Variants in DYNC1I1 observed in about 807,000 individuals in gnomAD.
DYNC1I1 encodes the protein cytoplasmic dynein 1 intermediate chain 1.
Under a neutral mutation model 86.6 loss-of-function variants are expected in DYNC1I1, and 43 were observed. The observed-to-expected ratio is 0.50, with a 90% CI of 0.39 to 0.64. The LOEUF is 0.64. DYNC1I1 is among the 30% of genes least tolerant of loss of function. The pLI is 0.00. For synonymous variants in DYNC1I1, 262 were observed against 283.7 expected (o/e 0.92, Z 0.77); for missense variants, 604 against 788.8 (o/e 0.77, Z 2.81).
At chr7:95,873,624 A>G (rs1584114952) in intron 6 of DYNC1I1, among the ~76,000 whole-genome samples, 1 of 152,242 alleles carries the variant, frequency 6.6e-6, no homozygotes, top group African/African-American at 2.4e-5. Context: ...TCTTAAAGAT[A>G]CCAGCTACAG....
intron 10 of DYNC1I1, among the ~76,000 whole-genome samples, chr7:95,996,592 G>A (rs555863168): frequency 1.3e-5 from 2 of 152,254 alleles, no homozygotes; most frequent in African/African-American, 4.8e-5. Flanking sequence ...GCTGTTTCTG[G>A]TTTGAAAATG....
At position 96,097,979 on chromosome 7, in the gene DYNC1I1, T is replaced by C. The variant is rs1410789226; in HGVS notation, c.*386T>C. On this transcript the variant is annotated 3_prime_UTR_variant, in exon 17 of 17. Transcript: ENST00000447467. ...CAGATATGATTGGGTGCAGATGTGG[T>C]GTTCCTCATATTATGGTACAGGGCC... 1.0e-6 allele frequency: 1 copy of C among 1,003,278 alleles called. No homozygotes were observed. The highest frequency in any genetic ancestry group is 1.2e-6 in the Non-Finnish European group (1 of 840,288). 62.1% of individuals were successfully genotyped at this position (1,003,278 alleles called of 1,614,324 possible). A position where few individuals can be genotyped will look rare whatever the true frequency, so the allele number is the denominator to read the frequency against.
At chr7:96,028,431 A>T in intron 11 of DYNC1I1, 110 bp downstream of exon 11, 1 of 1,387,868 alleles carries the variant, frequency 7.2e-7, no homozygotes, top group Admixed American at 2.5e-5. Flanking sequence ...AGGAGGATCT[A>T]CTTTATTATG....
At chr7:95,921,625 C>T (rs1791612453) in intron 6 of DYNC1I1, among the ~76,000 whole-genome samples, 1 of 152,162 alleles carries the variant, frequency 6.6e-6, no homozygotes, top group Non-Finnish European at 1.5e-5. Flanking sequence ...CTCTTGTCTG[C>T]ACACACCCTG....
At chr7:96,000,037 T>C (rs2115783087) in intron 10 of DYNC1I1, among the ~76,000 whole-genome samples, 1 of 152,226 alleles carries the variant, frequency 6.6e-6, no homozygotes, top group Non-Finnish European at 1.5e-5. Context: ...TTTTTTTAAA[T>C]GAAAAGAATA....
At chr7:95,775,949 A>G (rs1793829239) in intron 1 of DYNC1I1, among the ~76,000 whole-genome samples, 1 of 152,150 alleles carries the variant, frequency 6.6e-6, no homozygotes, top group African/African-American at 2.4e-5. Context: ...GGTCCATGTA[A>G]AAGTTATTCC....
intron 1 of DYNC1I1, among the ~76,000 whole-genome samples, chr7:95,793,492 A>G (rs1177001111): frequency 6.6e-6 from 1 of 152,048 alleles, no homozygotes; most frequent in Non-Finnish European, 1.5e-5. Flanking sequence ...GTTGCGGCCT[A>G]TAGGTCTAGG....
At chr7:95,937,496 A>G (rs1370030196) in intron 6 of DYNC1I1, among the ~76,000 whole-genome samples, 1 of 144,142 alleles carries the variant, frequency 6.9e-6, no homozygotes, top group Non-Finnish European at 1.5e-5. Context: ...CCTTAATTTA[A>G]TCTTCGTTCA....
chr7:95,820,589 C>G (rs999408418), intron 4 of DYNC1I1, among the ~76,000 whole-genome samples: 20 of 152,356 alleles, frequency 1.3e-4, no homozygotes, highest in Non-Finnish European at 1.6e-4. Flanking sequence ...CTTGAGCTCT[C>G]TCTCCATCTT....
At chr7:96,069,330 A>G (rs186202915) in intron 14 of DYNC1I1, among the ~76,000 whole-genome samples, 3 of 152,322 alleles carry the variant, frequency 2.0e-5, no homozygotes, top group Admixed American at 1.3e-4. Flanking sequence ...CAAGACTATC[A>G]GTCCAGAATG....
intron 6 of DYNC1I1, among the ~76,000 whole-genome samples, chr7:95,923,147 G>A (rs1449999757): frequency 6.6e-6 from 1 of 152,096 alleles, no homozygotes; most frequent in Non-Finnish European, 1.5e-5. Context: ...TACACGTACA[G>A]TGACTTAAGT....
At chr7:95,968,696 T>C (rs1198275707) in intron 6 of DYNC1I1, among the ~76,000 whole-genome samples, 1 of 152,172 alleles carries the variant, frequency 6.6e-6, no homozygotes, top group African/African-American at 2.4e-5. Context: ...AGCAGAAGAA[T>C]AGAGAATGGA....
At chr7:95,801,289 C>G (rs1584235780) in intron 1 of DYNC1I1, among the ~76,000 whole-genome samples, 1 of 152,126 alleles carries the variant, frequency 6.6e-6, no homozygotes, top group Admixed American at 6.5e-5. Flanking sequence ...TATTGACTCT[C>G]CGGCTGGGAA....
intron 6 of DYNC1I1, among the ~76,000 whole-genome samples, chr7:95,878,348 C>T (rs1158856790): frequency 6.6e-6 from 1 of 151,296 alleles, no homozygotes; most frequent in East Asian, 1.9e-4. Flanking sequence ...CTATATTTCA[C>T]CAAATAGAGA....
intron 6 of DYNC1I1, among the ~76,000 whole-genome samples, chr7:95,970,959 G>C (rs2115583639): frequency 6.6e-6 from 1 of 152,260 alleles, no homozygotes; most frequent in East Asian, 1.9e-4. Flanking sequence ...ACAGATGCTG[G>C]AGGTGGAATT....
chr7:95,948,190 A>C (rs1179648676), intron 6 of DYNC1I1, among the ~76,000 whole-genome samples: 1 of 152,186 alleles, frequency 6.6e-6, no homozygotes, highest in Non-Finnish European at 1.5e-5. Context: ...GTTTCAAGGC[A>C]GTAGTATACC....
At chr7:96,037,076 A>T (rs1794943190) in intron 13 of DYNC1I1, among the ~76,000 whole-genome samples, 1 of 152,202 alleles carries the variant, frequency 6.6e-6, no homozygotes, top group Non-Finnish European at 1.5e-5. Context: ...TAGAAATGAC[A>T]AGCATCCATG....
chr7:95,778,337 G>A (rs1407661289), intron 1 of DYNC1I1, among the ~76,000 whole-genome samples: 1 of 152,174 alleles, frequency 6.6e-6, no homozygotes, highest in Non-Finnish European at 1.5e-5. Flanking sequence ...CTTTTCCCTT[G>A]CCTGCAGGCT....
intron 4 of DYNC1I1, among the ~76,000 whole-genome samples, chr7:95,813,799 AC>A (rs1794887052): frequency 1.3e-5 from 2 of 151,890 alleles, no homozygotes; most frequent in African/African-American, 4.8e-5. Context: ...TAATTTGAAA[AC>A]TCAGTCACCT....
Sources: gnomAD v4.1 joint callset for allele counts (sites outside exome capture counted in the v4.1 genomes callset) on GRCh38, gnomAD v4.1.1 for gene constraint, MANE v1.5 for transcripts, NCBI Gene and HGNC (gene_info 2026-07-23, HGNC 2026-07-21) for gene names.